Variants in DCAF8L2 observed in about 807,000 individuals in gnomAD.
DCAF8L2 encodes DDB1- and CUL4-associated factor 8-like protein 2.
For synonymous variants in DCAF8L2, 200 were observed against 190.9 expected (o/e 1.05, Z -0.39); for missense variants, 430 against 490.7 (o/e 0.88, Z 1.17).
In DCAF8L2 at chrX:27,647,903, T is replaced by C. The variant is rs988719814; in HGVS notation, c.-220+15903T>C. On this transcript the variant is annotated intron_variant, in intron 2 of 4. Coordinates refer to ENST00000451261, the MANE Select transcript of DCAF8L2 (RefSeq NM_001353450.2). ...TTCATTCCTGCCCTTGCTTATGATA[T>C]GAGTTCCTATTTTTTGCTACCCACA... Among the ~76,000 whole-genome samples the C allele has an allele frequency of 1.2e-4, 13 of 112,095 alleles. No homozygotes were observed. The East Asian group carries it at 2.5e-3, about 22-fold the overall frequency.
At chrX:27,671,477 A>G (rs1929950675) in intron 2 of DCAF8L2, among the ~76,000 whole-genome samples, 1 of 112,186 alleles carries the variant, frequency 8.9e-6, no homozygotes, top group Admixed American at 9.6e-5. Context: ...CTTCTCTGCC[A>G]TATTCCAAAT....
intron 4 of DCAF8L2, among the ~76,000 whole-genome samples, chrX:27,717,887 C>T (rs1244582095): frequency 8.9e-6 from 1 of 112,032 alleles, no homozygotes; most frequent in Non-Finnish European, 1.9e-5. Flanking sequence ...ATGTACAGTT[C>T]TGATTGCATT....
At chrX:27,556,407 A>T in the DCAF8L2 span, among the ~76,000 whole-genome samples, 18 of 111,412 alleles carry the variant, frequency 1.6e-4, no homozygotes, top group South Asian at 6.8e-3. Context: ...GCCATTTTTT[A>T]TATTATAATA....
chrX:27,585,000 G>A, the DCAF8L2 span, among the ~76,000 whole-genome samples: 3 of 111,167 alleles, frequency 2.7e-5, no homozygotes, highest in African/African-American at 6.5e-5. Flanking sequence ...AGTGTAAAAC[G>A]GTGATAGTAT....
chrX:27,571,562 G>A, the DCAF8L2 span, among the ~76,000 whole-genome samples: 1 of 111,881 alleles, frequency 8.9e-6, no homozygotes, highest in African/African-American at 3.2e-5. Context: ...GAGAGATGTA[G>A]TAGGTTAAAA....
intron 1 of DCAF8L2, among the ~76,000 whole-genome samples, chrX:27,594,421 C>A (rs1926256068): frequency 9.0e-6 from 1 of 110,869 alleles, no homozygotes; most frequent in Non-Finnish European, 1.9e-5. Context: ...GTTCTTTACT[C>A]AGAATCTTGA....
Position 27,597,796 on chromosome X carries a change from T to C in DCAF8L2, c.-342+7356T>C, listed in dbSNP as rs1926425621. Among the ~76,000 whole-genome samples, 3 of 112,407 alleles carry C rather than the reference T, an allele frequency of 2.7e-5. No individual in the cohort carries two copies. In the South Asian group the frequency reaches 1.1e-3, roughly 41 times the overall value. Reference sequence around the variant, plus strand: ...CATTAAATGTTGCTATGAATAAGAATGACATTTACAGCCACGCTACTTAGG... The same window carrying C: ...CATTAAATGTTGCTATGAATAAGAACGACATTTACAGCCACGCTACTTAGG... On this transcript the variant is annotated intron_variant, in intron 1 of 4. Transcript: ENST00000451261.
chrX:27,530,595 T>C, the DCAF8L2 span, among the ~76,000 whole-genome samples: 1 of 111,222 alleles, frequency 9.0e-6, no homozygotes, highest in African/African-American at 3.3e-5. Context: ...TGAAAAAAAC[T>C]CTTGTGTGGT....
At chrX:27,719,856 A>G (rs1346449426) in intron 4 of DCAF8L2, among the ~76,000 whole-genome samples, 3 of 111,849 alleles carry the variant, frequency 2.7e-5, no homozygotes, top group Non-Finnish European at 5.6e-5. Flanking sequence ...GGTGTATGGC[A>G]ATCAATTTTG....
chrX:27,691,095 C>G (rs976446030), intron 3 of DCAF8L2, among the ~76,000 whole-genome samples: 8 of 111,607 alleles, frequency 7.2e-5, no homozygotes, highest in Non-Finnish European at 1.1e-4. Context: ...ATTTATCGTT[C>G]TATCAGAATG....
At chrX:27,495,198 T>C in the DCAF8L2 span, among the ~76,000 whole-genome samples, 1 of 112,121 alleles carries the variant, frequency 8.9e-6, no homozygotes, top group African/African-American at 3.2e-5. Context: ...GGAATCTTTG[T>C]CAAAACTCAG....
At chrX:27,484,919 G>C in the DCAF8L2 span, among the ~76,000 whole-genome samples, 4 of 111,858 alleles carry the variant, frequency 3.6e-5, no homozygotes, top group Non-Finnish European at 7.5e-5. Context: ...AAGGATATCA[G>C]TAGGAGTTTG....
chrX:27,533,224 A>G, the DCAF8L2 span, among the ~76,000 whole-genome samples: 11 of 41,701 alleles, frequency 2.6e-4, no homozygotes, highest in African/African-American at 7.0e-4. Flanking sequence ...GAAAGAAAGA[A>G]AGAAAGAAAG....
At chrX:27,657,769 T>C (rs1459367272) in intron 2 of DCAF8L2, among the ~76,000 whole-genome samples, 2 of 112,264 alleles carry the variant, frequency 1.8e-5, no homozygotes, top group East Asian at 5.6e-4. Flanking sequence ...TATAGTTCTT[T>C]TGTGATCAAT....
chrX:27,586,013 A>G (rs1198808700), upstream of DCAF8L2, among the ~76,000 whole-genome samples: 1 of 111,669 alleles, frequency 9.0e-6, no homozygotes, highest in African/African-American at 3.3e-5. Flanking sequence ...TCATCCACTA[A>G]CACACACCAT....
chrX:27,572,568 A>C, the DCAF8L2 span, among the ~76,000 whole-genome samples: 7 of 112,365 alleles, frequency 6.2e-5, no homozygotes, highest in Non-Finnish European at 1.1e-4. Context: ...CTTTATGTGA[A>C]AGAATGATTC....
intron 3 of DCAF8L2, among the ~76,000 whole-genome samples, chrX:27,704,218 G>A (rs1245863922): frequency 4.5e-4 from 36 of 79,626 alleles, no homozygotes; most frequent in Non-Finnish European, 6.8e-4. Flanking sequence ...ACACACGCGC[G>A]CACATGTGCG....
At chrX:27,600,515 G>T (rs1323457868) in intron 1 of DCAF8L2, among the ~76,000 whole-genome samples, 1 of 111,906 alleles carries the variant, frequency 8.9e-6, no homozygotes, top group African/African-American at 3.2e-5. Context: ...GTAGATATCA[G>T]ATCAAGGCAT....
At chrX:27,489,165 T>G in the DCAF8L2 span, among the ~76,000 whole-genome samples, 2 of 112,192 alleles carry the variant, frequency 1.8e-5, no homozygotes, top group South Asian at 7.5e-4. Context: ...TGGCATGATC[T>G]TGGCTCACTG....
Sources: gnomAD v4.1 joint callset for allele counts (sites outside exome capture counted in the v4.1 genomes callset) on GRCh38, gnomAD v4.1.1 for gene constraint, MANE v1.5 for transcripts, NCBI Gene and HGNC (gene_info 2026-07-23, HGNC 2026-07-21) for gene names.